Variants in MALRD1 observed in about 807,000 individuals in gnomAD.
MALRD1 encodes MAM and LDL receptor class A domain containing 1, also known as MAM and LDL-receptor class A domain-containing protein 1.
In MALRD1, 247 loss-of-function variants were observed where a neutral mutation model predicts 242.1. That is an observed-to-expected ratio of 1.02 (90% CI 0.92 to 1.13). The LOEUF is 1.13. Among genes scored for constraint, MALRD1 ranks in the 50% most tolerant of loss-of-function variants. The pLI, the probability that MALRD1 is intolerant of heterozygous loss-of-function variation, is 0.00. For missense variants in MALRD1, 2,989 were observed against 2,533.1 expected (o/e 1.18, Z -3.86); for synonymous variants, 995 against 866.6 (o/e 1.15, Z -2.60).
At chr10:19,316,784 A>G (rs1287795800) in intron 21 of MALRD1, among the ~76,000 whole-genome samples, 1 of 151,888 alleles carries the variant, frequency 6.6e-6, no homozygotes, top group Non-Finnish European at 1.5e-5. Flanking sequence ...GAAGGGTAGT[A>G]TGGGGAGCAA....
chr10:19,631,500 G>A (rs1173228013), intron 36 of MALRD1, among the ~76,000 whole-genome samples: 1 of 152,038 alleles, frequency 6.6e-6, no homozygotes, highest in Non-Finnish European at 1.5e-5. Flanking sequence ...ATTCCTTTGG[G>A]TACATATCCA....
chr10:19,609,495 G>T (rs1397807178), intron 35 of MALRD1, among the ~76,000 whole-genome samples: 2 of 151,920 alleles, frequency 1.3e-5, no homozygotes, highest in African/African-American at 2.4e-5. Flanking sequence ...ATTCTTTTAA[G>T]GTCAGCATTT....
chr10:19,076,296 C>T (rs892324548), intron 2 of MALRD1, among the ~76,000 whole-genome samples: 1 of 151,834 alleles, frequency 6.6e-6, no homozygotes, highest in East Asian at 1.9e-4. Flanking sequence ...ATCTATCTAC[C>T]TATCTTCCAT....
chr10:19,414,861 A>T (rs1467528380), intron 28 of MALRD1, among the ~76,000 whole-genome samples: 1 of 152,166 alleles, frequency 6.6e-6, no homozygotes, highest in East Asian at 1.9e-4. Flanking sequence ...ATAAATATAA[A>T]AGAGAGTCAT....
intron 18 of MALRD1, among the ~76,000 whole-genome samples, chr10:19,232,571 G>A (rs892103935): frequency 7.9e-5 from 12 of 152,130 alleles, no homozygotes; most frequent in Admixed American, 2.6e-4. Context: ...TCATGTGCCT[G>A]TTTTGTGCAG....
intron 13 of MALRD1, among the ~76,000 whole-genome samples, chr10:19,167,962 A>G (rs866173073): frequency 9.2e-5 from 14 of 152,222 alleles, no homozygotes; most frequent in Admixed American, 5.9e-4. Context: ...CTTGTAAAGC[A>G]CATGGAAGCA....
At chr10:19,623,087 A>G (rs1023073864) in intron 36 of MALRD1, among the ~76,000 whole-genome samples, 1 of 152,116 alleles carries the variant, frequency 6.6e-6, no homozygotes, top group African/African-American at 2.4e-5. Flanking sequence ...TTATGAATGT[A>G]GGAAAAAGCT....
At chr10:19,171,899 A>G (rs1834990438) in intron 13 of MALRD1, among the ~76,000 whole-genome samples, 1 of 139,706 alleles carries the variant, frequency 7.2e-6, no homozygotes, top group African/African-American at 2.6e-5. Context: ...TATGATATAT[A>G]TCACATAATA....
intron 36 of MALRD1, among the ~76,000 whole-genome samples, chr10:19,676,314 T>C (rs1842137085): frequency 6.6e-6 from 1 of 152,156 alleles, no homozygotes; most frequent in African/African-American, 2.4e-5. Context: ...CCTGGTACAG[T>C]ACTAGAGTGA....
At chr10:19,066,501 A>AT (rs1443699996) in intron 1 of MALRD1, among the ~76,000 whole-genome samples, 3 of 152,136 alleles carry the variant, frequency 2.0e-5, no homozygotes, top group Non-Finnish European at 2.9e-5. Flanking sequence ...GTCGTGTGGC[A>AT]TTTTTTCTAT....
intron 38 of MALRD1, chr10:19,724,866 A>AGGT (rs1834946399): frequency 6.6e-6 from 1 of 152,194 alleles, no homozygotes; most frequent in Non-Finnish European, 1.5e-5. Flanking sequence ...CAAATAAACA[A>AGGT]ATTCAGAGAA....
chr10:19,568,465 C>G (rs1230542159), intron 33 of MALRD1, among the ~76,000 whole-genome samples: 2 of 151,940 alleles, frequency 1.3e-5, no homozygotes, highest in Non-Finnish European at 2.9e-5. Flanking sequence ...ATTCAAAATC[C>G]TGGGCAATTT....
intron 22 of MALRD1, 134 bp downstream of exon 22, chr10:19,324,239 T>A: frequency 1.2e-6 from 1 of 838,560 alleles, no homozygotes. Context: ...TTTATAGTGG[T>A]ATATGGAGTA....
intron 31 of MALRD1, among the ~76,000 whole-genome samples, chr10:19,508,309 C>G (rs1397499857): frequency 6.6e-6 from 1 of 151,976 alleles, no homozygotes; most frequent in Non-Finnish European, 1.5e-5. Flanking sequence ...AGATCTGACA[C>G]TTATTAAATG....
chr10:19,562,730 G>C (rs970617463), intron 32 of MALRD1, among the ~76,000 whole-genome samples: 7 of 152,148 alleles, frequency 4.6e-5, no homozygotes, highest in Non-Finnish European at 1.0e-4. Flanking sequence ...GCAGGTGAGC[G>C]AGCATTAACT....
At chr10:19,185,484 T>C (rs564152356) in intron 14 of MALRD1, among the ~76,000 whole-genome samples, 10 of 152,286 alleles carry the variant, frequency 6.6e-5, no homozygotes, top group Admixed American at 2.6e-4. Flanking sequence ...CAAGGTTGAA[T>C]AGTACAAGGA....
At position 19,491,606 on chromosome 10, in the gene MALRD1, A is replaced by G; in HGVS notation, c.5119A>G (p.Lys1707Glu). 1 of 1,550,200 alleles carries G rather than the reference A, an allele frequency of 6.5e-7. No individual in the cohort carries two copies. The highest frequency in any genetic ancestry group is 8.7e-7 in the Non-Finnish European group (1 of 1,146,864). ...CIASHLLCDYKPDCSDRSDEA... is the reference protein window; with the variant it reads ...CIASHLLCDYEPDCSDRSDEA... ...TGCATCCCACCTTCTTTGTGACTAT[A>G]AGCCAGACTGCTCTGATAGGTCTGA... is the stretch of plus-strand genomic sequence containing the variant. Residue 1707 changes from lysine (K) to glutamate (E), a missense_variant, in exon 30 of 40, where the codon AAG (lysine) becomes GAG (glutamate). By Grantham distance (56) the Lys-to-Glu change is moderately conservative. Coordinates refer to ENST00000454679, the MANE Select transcript of MALRD1 (RefSeq NM_001142308.3).
chr10:19,215,723 T>G (rs1837282342), intron 18 of MALRD1, among the ~76,000 whole-genome samples: 1 of 115,566 alleles, frequency 8.7e-6, no homozygotes, highest in Non-Finnish European at 1.9e-5. Flanking sequence ...TATAATAAAT[T>G]AGTATAAATA....
At chr10:19,141,552 C>T (rs149559000) in intron 10 of MALRD1, among the ~76,000 whole-genome samples, 2 of 151,706 alleles carry the variant, frequency 1.3e-5, no homozygotes, top group East Asian at 3.9e-4. Context: ...TATATTTTAC[C>T]ACAATAAAAT....
Sources: gnomAD v4.1 joint callset for allele counts (sites outside exome capture counted in the v4.1 genomes callset) on GRCh38, gnomAD v4.1.1 for gene constraint, MANE v1.5 for transcripts, NCBI Gene and HGNC (gene_info 2026-07-23, HGNC 2026-07-21) for gene names.